SND1: variants seen among roughly 807,000 people sequenced by gnomAD.
The protein encoded by SND1 is staphylococcal nuclease domain-containing protein 1.
A neutral mutation model predicts 121.7 loss-of-function variants in SND1; 38 were observed. The observed-to-expected ratio is 0.31, with a 90% CI of 0.24 to 0.41. The LOEUF (loss-of-function observed/expected upper bound fraction) is 0.41, where lower values mean the gene tolerates loss of function less well. SND1 is among the 10% of genes least tolerant of loss of function. The probability of loss-of-function intolerance (pLI) is 1.00; values close to 1 mark genes in which losing one functional copy is unlikely to be tolerated. For missense variants in SND1, 868 were observed against 1,184.6 expected (o/e 0.73, Z 3.92); for synonymous variants, 401 against 447.4 (o/e 0.90, Z 1.31).
intron 10 of SND1, among the ~76,000 whole-genome samples, chr7:127,772,874 T>C (rs1334755963): frequency 6.6e-6 from 1 of 152,244 alleles, no homozygotes; most frequent in African/African-American, 2.4e-5. Context: ...AGTTTCTTCC[T>C]TTTTGATATA....
At chr7:127,681,897 C>T (rs564776218) in intron 1 of SND1, among the ~76,000 whole-genome samples, 6 of 152,224 alleles carry the variant, frequency 3.9e-5, no homozygotes, top group Non-Finnish European at 8.8e-5. Context: ...ATTGCTGTTA[C>T]AGTATACCTA....
At chr7:127,691,543 A>G (rs1795915419) in intron 2 of SND1, among the ~76,000 whole-genome samples, 1 of 152,102 alleles carries the variant, frequency 6.6e-6, no homozygotes. Context: ...ACTCCGTCTC[A>G]AAAATAAATA....
intron 4 of SND1, 34 bp downstream of exon 4, chr7:127,698,987 G>A (rs375572130): frequency 3.2e-6 from 5 of 1,567,526 alleles, no homozygotes; most frequent in Non-Finnish European, 4.4e-6. Flanking sequence ...CTCTCTGACA[G>A]CGGTAAATTG....
At chr7:127,842,924 T>G (rs1184989429) in intron 11 of SND1, among the ~76,000 whole-genome samples, 1 of 152,192 alleles carries the variant, frequency 6.6e-6, no homozygotes, top group Non-Finnish European at 1.5e-5. Flanking sequence ...ATACAGGTTT[T>G]CAAAGTAGTC....
intron 2 of SND1, chr7:127,692,354 C>T (rs1302448824): frequency 2.0e-5 from 3 of 152,236 alleles, no homozygotes; most frequent in Non-Finnish European, 2.9e-5. Flanking sequence ...TTAAAAGCCA[C>T]TTGCTTCTTA....
Position 127,702,358 on chromosome 7 carries a change from A to G in SND1, c.590-77A>G, listed in dbSNP as rs1416137060. 8.4e-6 allele frequency: 11 copies of G among 1,315,600 alleles called. No homozygotes were observed. In the African/African-American group the frequency reaches 1.6e-4, roughly 19 times the overall value. The allele number at this position is 1,315,600 out of a possible 1,614,324, so 81.5% of individuals were successfully genotyped here. A position where few individuals can be genotyped will look rare whatever the true frequency, so the allele number is the denominator to read the frequency against. On this transcript the variant is annotated intron_variant, in intron 5 of 23. Transcript: ENST00000354725. ...TTTTTGGGGAGAGGAAACTGTGTTA[A>G]GTGCAGTTTGATTGGGCAGTGTTTA... is the stretch of plus-strand genomic sequence containing the variant.
At chr7:128,056,323 C>T (rs780600959) in intron 16 of SND1, among the ~76,000 whole-genome samples, 5 of 152,298 alleles carry the variant, frequency 3.3e-5, no homozygotes, top group East Asian at 1.9e-4. Context: ...GCTGGAAGGG[C>T]GCAGCCATAA....
chr7:127,908,981 G>A (rs1371344347), intron 14 of SND1, among the ~76,000 whole-genome samples: 1 of 152,158 alleles, frequency 6.6e-6, no homozygotes. Context: ...TCAAGTTGCA[G>A]CCAGCCCTGC....
intron 16 of SND1, among the ~76,000 whole-genome samples, chr7:128,051,408 C>T (rs1195687645): frequency 6.6e-6 from 1 of 152,196 alleles, no homozygotes; most frequent in Non-Finnish European, 1.5e-5. Flanking sequence ...AAATCAGTTA[C>T]ACCATTACAA....
At chr7:127,697,789 G>A (rs936160063) in intron 3 of SND1, among the ~76,000 whole-genome samples, 4 of 152,160 alleles carry the variant, frequency 2.6e-5, no homozygotes, top group African/African-American at 9.7e-5. Context: ...CTTGTGGGGC[G>A]GTGTATGTAC....
chr7:128,076,208 G>A (rs1407268829), intron 17 of SND1, among the ~76,000 whole-genome samples: 2 of 152,184 alleles, frequency 1.3e-5, no homozygotes, highest in African/African-American at 2.4e-5. Context: ...TGAGATGGAA[G>A]GGTGGGTTCC....
Position 128,029,219 on chromosome 7 carries a change from C to T in SND1, c.1779+38163C>T, listed in dbSNP as rs780582855. ...AACCAGTGGACGTGGTAGGAACAGG[C>T]TTGTACTTTCGCGTTGTGTCCTCAG... On this transcript the variant is annotated intron_variant, in intron 16 of 23. Coordinates refer to ENST00000354725, the MANE Select transcript of SND1 (RefSeq NM_014390.4). This position sits in a 1 kb window ranked among gnomAD's most constrained non-coding sequence, Gnocchi z 4.2. The T allele has an allele frequency of 1.1e-5, 17 of 1,614,098 alleles. No individual in the cohort carries two copies. In the South Asian group the frequency reaches 1.2e-4, roughly 11 times the overall value.
intron 13 of SND1, among the ~76,000 whole-genome samples, chr7:127,894,153 T>C (rs1423702589): frequency 6.6e-6 from 1 of 152,098 alleles, no homozygotes; most frequent in African/African-American, 2.4e-5. Context: ...TGCATATCTC[T>C]CTTGGTAACG....
chr7:127,653,912 C>T (rs748493901), intron 1 of SND1, among the ~76,000 whole-genome samples: 18 of 152,160 alleles, frequency 1.2e-4, no homozygotes, highest in Non-Finnish European at 1.9e-4. Context: ...GAAATACTGA[C>T]CTGACCCATG....
intron 10 of SND1, among the ~76,000 whole-genome samples, chr7:127,723,731 G>T (rs930394578): frequency 6.6e-6 from 1 of 152,122 alleles, no homozygotes; most frequent in Non-Finnish European, 1.5e-5. Flanking sequence ...CTAGGCCAGC[G>T]CTGTCCAACA....
intron 12 of SND1, among the ~76,000 whole-genome samples, chr7:127,885,477 AAGTT>A (rs1799885030): frequency 6.6e-6 from 1 of 152,096 alleles, no homozygotes; most frequent in South Asian, 2.1e-4. Flanking sequence ...AGAGAGAAGA[AAGTT>A]AGTGGGCAGG....
intron 14 of SND1, among the ~76,000 whole-genome samples, chr7:127,926,827 G>A (rs1196380569): frequency 1.3e-5 from 2 of 151,578 alleles, no homozygotes; most frequent in Non-Finnish European, 1.5e-5. Flanking sequence ...TCCTGACCTC[G>A]TGATTTGCCT....
chr7:127,883,189 G>T (rs1175718973), intron 12 of SND1, among the ~76,000 whole-genome samples: 2 of 152,232 alleles, frequency 1.3e-5, no homozygotes, highest in Non-Finnish European at 2.9e-5. Context: ...ATGCAAGCAG[G>T]TTGTAATATA....
At chr7:127,971,974 C>T (rs1224793380) in intron 15 of SND1, among the ~76,000 whole-genome samples, 4 of 151,760 alleles carry the variant, frequency 2.6e-5, no homozygotes, top group African/African-American at 4.8e-5. Context: ...CAGGTTTCAC[C>T]GTGTTGCCCA....
Sources: allele counts gnomAD v4.1 joint callset (sites outside exome capture counted in the v4.1 genomes callset), GRCh38; gene constraint gnomAD v4.1.1; non-coding constraint Gnocchi (gnomAD v3.1); transcripts MANE v1.5; gene names NCBI Gene and HGNC (gene_info 2026-07-23, HGNC 2026-07-21).